The following SLC27A6 variants were observed in gnomAD, a reference collection of about 807,000 sequenced individuals.
SLC27A6 encodes the protein long-chain fatty acid transport protein 6.
Under a neutral mutation model 63.9 loss-of-function variants are expected in SLC27A6, and 74 were observed. The observed-to-expected ratio is 1.16, with a 90% CI of 0.96 to 1.40. The LOEUF is 1.40. Ranked by LOEUF, SLC27A6 falls within the 40% of genes most tolerant of loss-of-function variation. The pLI is 0.00. For missense variants in SLC27A6, 794 were observed against 732.9 expected, an observed-to-expected ratio of 1.08 and a Z score of -0.96; for synonymous variants, 287 against 260.8, an observed-to-expected ratio of 1.10 and a Z score of -0.97.
intron 1 of SLC27A6, among the ~76,000 whole-genome samples, chr5:128,969,224 T>A (rs1184769990): frequency 6.6e-6 from 1 of 152,234 alleles, no homozygotes; most frequent in East Asian, 1.9e-4. Context: ...CTCTTTTTGC[T>A]TAGGATTGTC....
At chr5:129,027,386 A>G (rs1481133913) in intron 7 of SLC27A6, 55 bp downstream of exon 7, 35 of 1,359,396 alleles carry the variant, frequency 2.6e-5, no homozygotes, top group Middle Eastern at 5.1e-4. Context: ...CCATGCTTCT[A>G]TAGAAACATC....
chr5:128,968,757 C>G (rs1343516165), intron 1 of SLC27A6, among the ~76,000 whole-genome samples: 2 of 151,890 alleles, frequency 1.3e-5, no homozygotes, highest in Non-Finnish European at 2.9e-5. Flanking sequence ...TACAGAAGCT[C>G]TTTAGTTTAA....
Position 128,966,343 on chromosome 5 carries a change from G to A in SLC27A6, c.206G>A (p.Arg69Gln), listed in dbSNP as rs778602434. ...TTGAGTCATGCCAAAAGACAACCTC[G>A]GAAACCTTTCATCATCTATGAGGGA... The part of the protein sequence containing the change: ...KFLSHAKRQP[R>Q]KPFIIYEGDI... The change falls in exon 1 of 10, where the codon CGG (arginine) becomes CAG (glutamine). Residue 69 changes from arginine to glutamine, a missense_variant. Coordinates refer to ENST00000262462, the MANE Select transcript of SLC27A6 (RefSeq NM_001017372.3). The A allele has an allele frequency of 2.5e-6, 4 of 1,613,944 alleles. No individual in the cohort carries two copies. The highest frequency in any genetic ancestry group is 3.4e-6 in the Non-Finnish European group (4 of 1,180,012).
intron 1 of SLC27A6, among the ~76,000 whole-genome samples, chr5:128,979,532 G>T (rs188619710): frequency 6.6e-6 from 1 of 152,000 alleles, no homozygotes; most frequent in Non-Finnish European, 1.5e-5. Context: ...TCTGTAGATT[G>T]CTTTGGTCTG....
intron 1 of SLC27A6, among the ~76,000 whole-genome samples, chr5:128,972,079 T>G (rs1194404436): frequency 6.6e-6 from 1 of 152,180 alleles, no homozygotes; most frequent in Non-Finnish European, 1.5e-5. Flanking sequence ...TTAAGAATGT[T>G]GAATATTGGC....
At chr5:129,025,342 A>C (rs1752202412) in intron 6 of SLC27A6, among the ~76,000 whole-genome samples, 1 of 152,144 alleles carries the variant, frequency 6.6e-6, no homozygotes. Flanking sequence ...AAAAAACGTA[A>C]GTTTTAAGGG....
chr5:128,993,692 A>T (rs1751053302), intron 4 of SLC27A6, among the ~76,000 whole-genome samples: 1 of 152,206 alleles, frequency 6.6e-6, no homozygotes, highest in Non-Finnish European at 1.5e-5. Flanking sequence ...TTTTAAAGAA[A>T]TGAAATATTC....
chr5:129,016,715 T>C (rs1366570318), intron 5 of SLC27A6, among the ~76,000 whole-genome samples: 1 of 152,154 alleles, frequency 6.6e-6, no homozygotes, highest in Non-Finnish European at 1.5e-5. Flanking sequence ...ATTTGACTCT[T>C]TCCATTTTCC....
intron 1 of SLC27A6, among the ~76,000 whole-genome samples, chr5:128,976,657 A>G (rs963445401): frequency 7.5e-6 from 1 of 133,656 alleles, no homozygotes; most frequent in African/African-American, 2.5e-5. Context: ...GTTAACAAGA[A>G]CATTTGTTAA....
chr5:128,966,573 A>G lies in SLC27A6; in HGVS notation c.436A>G (p.Asn146Asp). 6.4e-7 allele frequency: 1 copy of G among 1,556,796 alleles called. No homozygotes were observed. The highest frequency in any genetic ancestry group is 8.6e-7 in the Non-Finnish European group (1 of 1,157,824). ...NTNIRSNSLLNCIRACGPRAL... is the reference protein window; with the variant it reads ...NTNIRSNSLLDCIRACGPRAL... ...CAACATTCGCTCCAACTCCCTCCTGAATTGCATCCGCGCCTGTGGGCCCAG... is the reference window on the plus strand; with the variant it reads ...CAACATTCGCTCCAACTCCCTCCTGGATTGCATCCGCGCCTGTGGGCCCAG... Residue 146 changes from asparagine (N) to aspartate (D), a missense_variant, in exon 1 of 10, where the codon AAT becomes GAT. Transcript: ENST00000262462.
rs1322301921 is a variant in SLC27A6 at position 128,973,192 on chromosome 5, T to TA, written c.481+6574_481+6575insA. Among the ~76,000 whole-genome samples the TA allele has an allele frequency of 7.6e-4, 115 of 152,286 alleles. 1 individual carries two copies. Among genetic ancestry groups the TA allele is most frequent in the African/African-American group, 2.7e-3 (111 of 41,578 alleles). ...GTATGCAGTGTCAGTTGGCCCCTAC[T>TA]GGGAGATGTCTCCCAGTTAGGCTAC... On this transcript the variant is annotated intron_variant, in intron 1 of 9. Coordinates refer to ENST00000262462, the MANE Select transcript of SLC27A6 (RefSeq NM_001017372.3).
Position 128,990,345 on chromosome 5 carries a change from A to G in SLC27A6, c.850A>G (p.Thr284Ala). 1 of 1,613,138 alleles carries G rather than the reference A, an allele frequency of 6.2e-7. No individual in the cohort carries two copies. Among genetic ancestry groups the G allele is most frequent in the Non-Finnish European group, 8.5e-7 (1 of 1,179,822 alleles). Residue 284 changes from threonine to alanine, a missense_variant, in exon 4 of 10, where the codon ACT becomes GCT. Coordinates refer to ENST00000262462, the MANE Select transcript of SLC27A6 (RefSeq NM_001017372.3). ...GISGCVELGATCVLKKKFSAS... is the reference protein window; with the variant it reads ...GISGCVELGAACVLKKKFSAS... ...GTTTTTGTCTTTTCTTATAGGTGCC[A>G]CTTGTGTGTTAAAGAAGAAATTTTC...
intron 4 of SLC27A6, among the ~76,000 whole-genome samples, chr5:128,990,833 C>T (rs1215007581): frequency 1.3e-5 from 2 of 152,196 alleles, no homozygotes; most frequent in Non-Finnish European, 2.9e-5. Flanking sequence ...GGAACAATGG[C>T]GAGCCTCTAG....
chr5:128,983,600 G>C (rs894549953), intron 1 of SLC27A6, among the ~76,000 whole-genome samples: 1 of 152,130 alleles, frequency 6.6e-6, no homozygotes, highest in Middle Eastern at 3.4e-3. Flanking sequence ...TGGCCAATCT[G>C]TATCTATTTT....
intron 4 of SLC27A6, among the ~76,000 whole-genome samples, chr5:128,994,949 A>G (rs1283586675): frequency 6.6e-6 from 1 of 152,216 alleles, no homozygotes; most frequent in Non-Finnish European, 1.5e-5. Context: ...GTACTTCTTT[A>G]AAACTGCTGG....
chr5:128,995,815 T>C (rs1253470732), intron 4 of SLC27A6, among the ~76,000 whole-genome samples: 1 of 151,896 alleles, frequency 6.6e-6, no homozygotes, highest in Non-Finnish European at 1.5e-5. Flanking sequence ...CCCATCAGAG[T>C]AGTTGAAAAA....
chr5:128,970,034 G>C (rs995941130), intron 1 of SLC27A6, among the ~76,000 whole-genome samples: 1 of 151,852 alleles, frequency 6.6e-6, no homozygotes, highest in Non-Finnish European at 1.5e-5. Context: ...TGTGGTTTTT[G>C]TCTTTGGTTC....
chr5:128,966,513 G>C lies in SLC27A6; in HGVS notation c.376G>C (p.Ala126Pro). ...PDFVHVWFGL[A>P]KLGCVVAFLN... ...CTTCGTTCACGTGTGGTTCGGCCTC[G>C]CCAAGCTGGGCTGCGTGGTGGCCTT... Residue 126 changes from alanine to proline, a missense_variant, in exon 1 of 10, where the codon GCC (alanine) becomes CCC (proline). Coordinates refer to ENST00000262462, the MANE Select transcript of SLC27A6 (RefSeq NM_001017372.3). 1.2e-6 allele frequency: 2 copies of C among 1,605,402 alleles called. No individual in the cohort carries two copies. Among genetic ancestry groups the C allele is most frequent in the East Asian group, 2.2e-5 (1 of 44,830 alleles).
intron 4 of SLC27A6, 86 bp downstream of exon 4, chr5:128,990,550 C>T: frequency 7.5e-7 from 1 of 1,337,804 alleles, no homozygotes; most frequent in Non-Finnish European, 1.0e-6. Context: ...TTTGTTTATA[C>T]TCTACCTTTG....
Sources: allele counts gnomAD v4.1 joint callset (sites outside exome capture counted in the v4.1 genomes callset), GRCh38; gene constraint gnomAD v4.1.1; transcripts MANE v1.5; gene names NCBI Gene and HGNC (gene_info 2026-07-23, HGNC 2026-07-21).